Variants in ECT2L observed in about 807,000 individuals in gnomAD.
ECT2L encodes epithelial cell-transforming sequence 2 oncogene-like.
ECT2L carries 126 observed loss-of-function variants against 122.8 expected under a neutral mutation model. That is an observed-to-expected ratio of 1.03 (90% confidence interval 0.89 to 1.19). The LOEUF (loss-of-function observed/expected upper bound fraction) is 1.19. Ranked by LOEUF, ECT2L falls within the 50% of genes most tolerant of loss-of-function variation. The probability of loss-of-function intolerance (pLI) is 0.00; values close to 1 mark genes in which losing one functional copy is unlikely to be tolerated. For synonymous variants in ECT2L, 385 were observed against 381.8 expected (o/e 1.01, Z -0.10); for missense variants, 1,012 against 1,064.1 (o/e 0.95, Z 0.68).
In ECT2L at chr6:138,892,819, T is replaced by G. The variant is rs1307950102; in HGVS notation, c.2414+3788T>G. 2.6e-5 allele frequency among the ~76,000 whole-genome samples: 4 copies of G among 152,168 alleles called. 1 individual carries two copies. ...GCACCGCTTATAACTTTTTGTTGAATAGCAGACACGATGTGTCAGGTAAAA... is the reference window on the plus strand; with the variant it reads ...GCACCGCTTATAACTTTTTGTTGAAGAGCAGACACGATGTGTCAGGTAAAA... On this transcript the variant is annotated intron_variant, in intron 20 of 21. Coordinates refer to ENST00000541398, the MANE Select transcript of ECT2L (RefSeq NM_001077706.3).
At chr6:138,809,292 G>A (rs1775813638) in intron 1 of ECT2L, among the ~76,000 whole-genome samples, 1 of 152,196 alleles carries the variant, frequency 6.6e-6, no homozygotes, top group Non-Finnish European at 1.5e-5. Flanking sequence ...GCCAGCTGCG[G>A]GGCTCATACC....
chr6:138,804,281 C>G (rs1775641855), intron 1 of ECT2L, among the ~76,000 whole-genome samples: 1 of 152,134 alleles, frequency 6.6e-6, no homozygotes, highest in South Asian at 2.1e-4. Context: ...AGAAAGGGGT[C>G]CAATTTCTTT....
intron 1 of ECT2L, among the ~76,000 whole-genome samples, chr6:138,808,031 C>A (rs576105958): frequency 8.6e-5 from 13 of 150,698 alleles, no homozygotes; most frequent in African/African-American, 2.9e-4. Context: ...ATTTTATAAT[C>A]AGTTTGTCAA....
chr6:138,903,580 C>T lies in ECT2L; in HGVS notation c.*953C>T, dbSNP rs909939703. The T allele has an allele frequency of 1.3e-5, 2 of 152,042 alleles. No individual in the cohort carries two copies. The highest frequency in any genetic ancestry group is 2.9e-5 in the Non-Finnish European group (2 of 67,992). The allele number at this position is 152,042 out of a possible 1,614,324, so 9.4% of individuals were successfully genotyped here. On this transcript the variant is annotated 3_prime_UTR_variant, in exon 22 of 22. Transcript: ENST00000541398. Reference sequence around the variant, plus strand: ...TTTTTGACATTGTTAAATTAGAAGGCTATTTTTAAAAAGCATATTTTAAAA... The same window carrying T: ...TTTTTGACATTGTTAAATTAGAAGGTTATTTTTAAAAAGCATATTTTAAAA...
Position 138,835,595 on chromosome 6 carries a change from T to A in ECT2L, c.180-2757T>A, listed in dbSNP as rs1235361831. ...AGTTAACAGTTTAATAGCTAACATT[T>A]TACCATTTTTGCCTTATTATTTAGA... is the stretch of plus-strand genomic sequence containing the variant. On this transcript the variant is annotated intron_variant, in intron 4 of 21. Coordinates refer to ENST00000541398, the MANE Select transcript of ECT2L (RefSeq NM_001077706.3). 4.6e-5 allele frequency among the ~76,000 whole-genome samples: 7 copies of A among 152,172 alleles called. No individual in the cohort carries two copies. In the East Asian group the frequency reaches 1.2e-3, roughly 25 times the overall value.
chr6:138,824,583 A>AAACAAAAC (rs756166980), intron 4 of ECT2L, among the ~76,000 whole-genome samples: 2,668 of 151,072 alleles, frequency 0.018, 40 homozygotes, highest in Non-Finnish European at 0.027. Flanking sequence ...AACAAAAACA[A>AAACAAAAC]AAAAAACACA....
chr6:138,873,900 G>GTGTGTGTGTGTGTGTGTGTGTA (rs1351276557), intron 13 of ECT2L, among the ~76,000 whole-genome samples: 24 of 150,870 alleles, frequency 1.6e-4, no homozygotes, highest in African/African-American at 5.9e-4. Context: ...GTGTGTGTGT[G>GTGTGTGTGTGTGTGTGTGTGTA]TGTGTGTGTG....
chr6:138,802,829 C>A (rs963412122), intron 1 of ECT2L, among the ~76,000 whole-genome samples: 1 of 152,136 alleles, frequency 6.6e-6, no homozygotes, highest in African/African-American at 2.4e-5. Flanking sequence ...GTAATCCCAG[C>A]ACTTTGGGAG....
At chr6:138,842,726 C>A (rs1320466568) in intron 5 of ECT2L, among the ~76,000 whole-genome samples, 1 of 151,944 alleles carries the variant, frequency 6.6e-6, no homozygotes, top group African/African-American at 2.4e-5. Flanking sequence ...GAGCCGAGCT[C>A]GTGCCACTGC....
intron 9 of ECT2L, among the ~76,000 whole-genome samples, chr6:138,853,752 T>C (rs976066544): frequency 3.9e-5 from 6 of 152,180 alleles, no homozygotes; most frequent in Non-Finnish European, 7.3e-5. Flanking sequence ...AAACCCTGCA[T>C]GCGCCTGATA....
Position 138,857,120 on chromosome 6 carries a change from T to C in ECT2L, c.1198+2966T>C, listed in dbSNP as rs1020130298. Among the ~76,000 whole-genome samples the C allele has an allele frequency of 5.3e-5, 8 of 152,210 alleles. No individual in the cohort carries two copies. The East Asian group carries it at 1.5e-3, about 29-fold the overall frequency. Reference sequence around the variant, plus strand: ...TTGGAATCTAGCCCGTTGCCTTTCATCTTCTCCAGACTTCCACATCCAATC... The same window carrying C: ...TTGGAATCTAGCCCGTTGCCTTTCACCTTCTCCAGACTTCCACATCCAATC... On this transcript the variant is annotated intron_variant, in intron 10 of 21. Coordinates refer to ENST00000541398, the MANE Select transcript of ECT2L (RefSeq NM_001077706.3).
Position 138,854,139 on chromosome 6 carries a change from C to T in ECT2L, c.1183C>T (p.Pro395Ser). The T allele has an allele frequency of 1.2e-6, 2 of 1,613,680 alleles. No homozygotes were observed. Among genetic ancestry groups the T allele is most frequent in the Non-Finnish European group, 1.7e-6 (2 of 1,179,856 alleles). Residue 395 changes from proline (P) to serine (S), a missense_variant, in exon 10 of 22, where the codon CCC (proline) becomes TCC (serine). By Grantham distance (74) the Pro-to-Ser change is moderately conservative. Transcript: ENST00000541398. The stretch of plus-strand genomic sequence containing the variant: ...AGGGGGTCACGTGGACTTCTTCGTG[C>T]CCCTTGGAGCATCAGGTTAGCTCAG... ...EEGGHVDFFVPLGASEAGIEV... is the reference protein window; with the variant it reads ...EEGGHVDFFVSLGASEAGIEV...
rs376318780 is a variant in ECT2L at position 138,885,794 on chromosome 6, T to C, written c.2223T>C (p.Ile741=). Residue 741 remains isoleucine (I), a synonymous_variant, in exon 18 of 22, where the codon ATT becomes ATC. Coordinates refer to ENST00000541398, the MANE Select transcript of ECT2L (RefSeq NM_001077706.3). ...HVDRGDLTTA[I]DQIKKYKGYI... ...ACCGTGGGGACTTGACCACTGCAAT[T>C]GACCAAATCAAAAAATATAAAGGTT... 214 of 1,614,034 alleles carry C rather than the reference T, an allele frequency of 1.3e-4. 1 individual carries two copies. The highest frequency in any genetic ancestry group is 1.6e-4 in the Non-Finnish European group (186 of 1,180,022).
At chr6:138,848,994 T>A (rs1777330356) in intron 8 of ECT2L, among the ~76,000 whole-genome samples, 1 of 152,200 alleles carries the variant, frequency 6.6e-6, no homozygotes, top group Admixed American at 6.5e-5. Flanking sequence ...TCTTTGTGCA[T>A]GGCGTGCATA....
intron 19 of ECT2L, among the ~76,000 whole-genome samples, chr6:138,888,380 G>A (rs1472031394): frequency 6.8e-6 from 1 of 146,554 alleles, no homozygotes; most frequent in Non-Finnish European, 1.5e-5. Context: ...GCAGTGGCAC[G>A]ATCTCGGCTC....
At chr6:138,890,492 C>CTTTTTTTTTTTTTTTTTTAT (rs1778981103) in intron 20 of ECT2L, among the ~76,000 whole-genome samples, 1 of 78,990 alleles carries the variant, frequency 1.3e-5, no homozygotes, top group Non-Finnish European at 2.2e-5. Flanking sequence ...TTTCTTTGAT[C>CTTTTTTTTTTTTTTTTTTAT]TTTTTTTTTT....
In ECT2L at chr6:138,865,012, G is replaced by A. The variant is rs1582632044; in HGVS notation, c.1308G>A (p.Leu436=). 6.2e-7 allele frequency: 1 copy of A among 1,612,892 alleles called. No individual in the cohort carries two copies. Residue 436 remains leucine (L), a synonymous_variant, in exon 12 of 22, where the codon CTG becomes CTA. Transcript: ENST00000541398. The stretch of plus-strand genomic sequence containing the variant: ...TCATGTCAGTTCTTAGTGATTGGCT[G>A]GGATCCCAATGGGGAAAGGCCCCCT... ...GSYQHILSDW[L]GSQWGKAPSS... is the part of the protein sequence containing the mutation.
chr6:138,868,035 G>C, intron 12 of ECT2L, 68 bp from the exon 13 acceptor site: 2 of 900,080 alleles, frequency 2.2e-6, no homozygotes, highest in African/African-American at 1.7e-5. Flanking sequence ...TGTGAGGACT[G>C]AGTTGTTGTT....
intron 20 of ECT2L, among the ~76,000 whole-genome samples, chr6:138,893,566 G>A (rs562909098): frequency 6.6e-6 from 1 of 151,930 alleles, no homozygotes; most frequent in East Asian, 1.9e-4. Context: ...GATTACAGGT[G>A]CACGCTGTTA....
Sources: allele counts gnomAD v4.1 joint callset (sites outside exome capture counted in the v4.1 genomes callset), GRCh38; gene constraint gnomAD v4.1.1; transcripts MANE v1.5; gene names NCBI Gene and HGNC (gene_info 2026-07-23, HGNC 2026-07-21).